OSBPL10: variants seen among roughly 807,000 people sequenced by gnomAD.
OSBPL10 encodes oxysterol-binding protein-related protein 10.
Under a neutral mutation model 81.7 loss-of-function variants are expected in OSBPL10, and 49 were observed. The ratio of observed to expected loss-of-function variants is 0.60; its 90% CI spans 0.48 to 0.76. The LOEUF (loss-of-function observed/expected upper bound fraction) is 0.76, where lower values mean the gene tolerates loss of function less well. OSBPL10 is among the 30% of genes least tolerant of loss of function. The pLI is 0.00. For synonymous variants in OSBPL10, 419 were observed against 383.6 expected (o/e 1.09, Z -1.08); for missense variants, 923 against 987.8 (o/e 0.93, Z 0.88).
intron 3 of OSBPL10, among the ~76,000 whole-genome samples, chr3:31,843,845 G>C (rs1302719600): frequency 6.6e-6 from 1 of 152,198 alleles, no homozygotes; most frequent in African/African-American, 2.4e-5. Context: ...CCCGTGCTCA[G>C]GGAGTCACAT....
intron 2 of OSBPL10, among the ~76,000 whole-genome samples, chr3:32,041,617 C>T (rs1223648198): frequency 2.7e-5 from 4 of 149,596 alleles, no homozygotes; most frequent in Non-Finnish European, 4.4e-5. Context: ...AGTGATACCA[C>T]TGAGTTTCTT....
At chr3:31,922,361 G>A (rs1429258799) in intron 1 of OSBPL10, among the ~76,000 whole-genome samples, 1 of 152,210 alleles carries the variant, frequency 6.6e-6, no homozygotes, top group Non-Finnish European at 1.5e-5. Flanking sequence ...GCTCACGCCT[G>A]TAATCCCAGC....
chr3:32,062,003 G>A (rs2046142870), intron 1 of OSBPL10, among the ~76,000 whole-genome samples: 1 of 93,472 alleles, frequency 1.1e-5, no homozygotes, highest in African/African-American at 2.8e-5. Context: ...GGTTGAATAT[G>A]CAGATGCAGT....
chr3:31,683,740 G>A lies in OSBPL10; in HGVS notation c.1620C>T (p.Ser540=), dbSNP rs774966155. The change falls in exon 8 of 12, where the codon TCC becomes TCT. Residue 540 remains serine (S), a synonymous_variant. Transcript: ENST00000396556. ...TCTCCTCGCACTCACAGTAGAAGCAGGAGATGGGTGGGTGATGGGACACTT... is the reference window on the plus strand; with the variant it reads ...TCTCCTCGCACTCACAGTAGAAGCAAGAGATGGGTGGGTGATGGGACACTT... ...AEQVSHHPPI[S]CFYCECEEKR... 6 of 1,614,220 alleles carry A rather than the reference G, an allele frequency of 3.7e-6. No homozygotes were observed. The East Asian group carries it at 8.9e-5, about 24-fold the overall frequency.
chr3:32,017,977 C>A (rs755659084), intron 2 of OSBPL10, among the ~76,000 whole-genome samples: 1 of 151,764 alleles, frequency 6.6e-6, no homozygotes, highest in Non-Finnish European at 1.5e-5. Flanking sequence ...GGTGAAACCC[C>A]GTCTCTACTA....
chr3:32,072,809 A>C (rs1277920643), intron 1 of OSBPL10, among the ~76,000 whole-genome samples: 1 of 152,192 alleles, frequency 6.6e-6, no homozygotes, highest in African/African-American at 2.4e-5. Flanking sequence ...CTGGATAGGT[A>C]GAGGCCTTTC....
chr3:31,702,473 AT>A lies in OSBPL10; in HGVS notation c.1130del (p.Asp377ValfsTer23). On this transcript the variant is annotated frameshift_variant, in exon 7 of 12. Transcript: ENST00000396556. LOFTEE classifies it high-confidence loss of function. The stretch of plus-strand genomic sequence containing the variant: ...CCTTATCTTCATTGTCACTTTTTTC[AT>A]CTTCAGACAAAACCAATTCAGAGCC... Reference protein sequence around the residue: ...NSGSELVLSEDEKSDNEDKEE... With the variant: ...NSGSELVLSEXEKSDNEDKEE... The A allele has an allele frequency of 6.2e-7, 1 of 1,614,160 alleles. No individual in the cohort carries two copies. Among genetic ancestry groups the A allele is most frequent in the East Asian group, 2.2e-5 (1 of 44,886 alleles).
intron 8 of OSBPL10, among the ~76,000 whole-genome samples, chr3:31,675,672 G>T (rs939507283): frequency 1.3e-5 from 2 of 152,180 alleles, no homozygotes; most frequent in East Asian, 1.9e-4. Context: ...AGGGCCAGGC[G>T]CAGTGGCTCA....
intron 4 of OSBPL10, among the ~76,000 whole-genome samples, chr3:31,808,676 A>G (rs896608440): frequency 1.7e-4 from 26 of 152,372 alleles, no homozygotes; most frequent in African/African-American, 6.3e-4. Context: ...GCACTTGAAA[A>G]CAATTCTACA....
chr3:31,766,321 G>GTTTTTTTTTTTTTTTTTT (rs372182366), intron 4 of OSBPL10, among the ~76,000 whole-genome samples: 1 of 68,594 alleles, frequency 1.5e-5, no homozygotes, highest in African/African-American at 4.3e-5. Flanking sequence ...GCCCAATGTA[G>GTTTTTTTTTTTTTTTTTT]TTTTTTTGTT....
chr3:31,949,667 CAAAAAAAAAAAAAAAAAA>C (rs56002214), intron 1 of OSBPL10, among the ~76,000 whole-genome samples: 23 of 26,260 alleles, frequency 8.8e-4, no homozygotes, highest in South Asian at 2.4e-3. Flanking sequence ...GACTCTGTCT[CAAAAAAAAAAAAAAAAAA>C]AAAAAAAAAA....
chr3:32,038,141 C>T (rs1159272851), intron 2 of OSBPL10, among the ~76,000 whole-genome samples: 2 of 152,068 alleles, frequency 1.3e-5, no homozygotes, highest in Non-Finnish European at 2.9e-5. Flanking sequence ...AGGGAAAGAG[C>T]CCTTAGAAAG....
At chr3:31,751,647 A>G (rs914786186) in intron 4 of OSBPL10, among the ~76,000 whole-genome samples, 2 of 152,216 alleles carry the variant, frequency 1.3e-5, no homozygotes, top group African/African-American at 4.8e-5. Flanking sequence ...GAGACACATC[A>G]GTAACCAGGC....
chr3:31,938,339 C>G (rs1261398801), intron 1 of OSBPL10, among the ~76,000 whole-genome samples: 2 of 152,188 alleles, frequency 1.3e-5, no homozygotes, highest in Non-Finnish European at 2.9e-5. Context: ...TTCTACCTAT[C>G]ACCTTCTCTG....
rs1159312255 is a variant in OSBPL10 at position 31,660,922 on chromosome 3, G to A, written c.*1150C>T. ...GGCACAAAATTAGTATTACTACAGA[G>A]AAGCATTCATGCTATTTGGATTTGA... is the stretch of plus-strand genomic sequence containing the variant. On this transcript the variant is annotated 3_prime_UTR_variant, in exon 12 of 12. Transcript: ENST00000396556. 1 of 152,648 alleles carries A rather than the reference G, an allele frequency of 6.6e-6. No homozygotes were observed. The highest frequency in any genetic ancestry group is 1.5e-5 in the Non-Finnish European group (1 of 68,038). The allele number at this position is 152,648 out of a possible 1,614,324, so 9.5% of individuals were successfully genotyped here.
chr3:31,984,744 C>A (rs149802078), upstream of OSBPL10, among the ~76,000 whole-genome samples: 2 of 152,076 alleles, frequency 1.3e-5, no homozygotes, highest in Non-Finnish European at 2.9e-5. Flanking sequence ...GGTGTTCAAA[C>A]AAGGAGGGAA....
At chr3:32,008,219 C>T (rs1235786135) in intron 2 of OSBPL10, among the ~76,000 whole-genome samples, 1 of 149,930 alleles carries the variant, frequency 6.7e-6, no homozygotes, top group Non-Finnish European at 1.5e-5. Context: ...GTTGCCCAGG[C>T]TGGAGTGCAG....
chr3:31,671,564 C>G (rs984069723), intron 8 of OSBPL10, among the ~76,000 whole-genome samples: 1 of 152,156 alleles, frequency 6.6e-6, no homozygotes, highest in African/African-American at 2.4e-5. Flanking sequence ...GCTACAGAGA[C>G]AAGCTCAATG....
At chr3:32,072,842 C>T (rs560039715) in intron 1 of OSBPL10, among the ~76,000 whole-genome samples, 44 of 152,250 alleles carry the variant, frequency 2.9e-4, no homozygotes, top group African/African-American at 8.7e-4. Flanking sequence ...AGAAGGCCAC[C>T]GCGGTCCTAT....
Sources: allele counts gnomAD v4.1 joint callset (sites outside exome capture counted in the v4.1 genomes callset), GRCh38; gene constraint gnomAD v4.1.1; transcripts MANE v1.5; gene names NCBI Gene and HGNC (gene_info 2026-07-23, HGNC 2026-07-21).